SGCZ: variants seen among roughly 807,000 people sequenced by gnomAD.
SGCZ encodes zeta-sarcoglycan.
Under a neutral mutation model 41.3 loss-of-function variants are expected in SGCZ, and 40 were observed. The observed-to-expected ratio is 0.97, with a 90% CI of 0.75 to 1.26. SGCZ has a LOEUF of 1.26. Ranked by LOEUF, SGCZ falls within the 50% of genes most tolerant of loss-of-function variation. SGCZ has a pLI of 0.00. For missense variants in SGCZ, 552 were observed against 369.8 expected (o/e 1.49, Z -4.04); for synonymous variants, 206 against 137.5 (o/e 1.50, Z -3.49).
intron 2 of SGCZ, among the ~76,000 whole-genome samples, chr8:14,524,949 G>T (rs1469044887): frequency 6.6e-6 from 1 of 152,118 alleles, no homozygotes; most frequent in Non-Finnish European, 1.5e-5. Flanking sequence ...TTCTCAGAGA[G>T]TTCAAAACAT....
chr8:14,470,242 G>GA lies in SGCZ; in HGVS notation c.234+84489dup, dbSNP rs140039196. ...ATGCTAATTTTTGTGTAAGAAAATAGAAAAAAAAATGCTGAGTTTTGTTTT... is the reference window on the plus strand; with the variant it reads ...ATGCTAATTTTTGTGTAAGAAAATAGAAAAAAAAAATGCTGAGTTTTGTTTT... On this transcript the variant is annotated intron_variant, in intron 2 of 7. Transcript: ENST00000382080. Among the ~76,000 whole-genome samples, 124 of 150,942 alleles carry GA rather than the reference G, an allele frequency of 8.2e-4. 3 individuals are homozygous for GA. The highest frequency in any genetic ancestry group is 2.3e-3 in the African/African-American group (96 of 41,236).
In SGCZ at chr8:15,158,166, C is replaced by CAAA. The variant is rs34637082; in HGVS notation, c.39+79416_39+79418dup. On this transcript the variant is annotated intron_variant, in intron 1 of 7. Coordinates refer to ENST00000382080, the MANE Select transcript of SGCZ (RefSeq NM_139167.4). Reference sequence around the variant, plus strand: ...TTATCACAATTTTTCTAGTTTGCCACAAAAAAAAAAATGGTGAAAAGATAT... The same window carrying CAAA: ...TTATCACAATTTTTCTAGTTTGCCACAAAAAAAAAAAAAATGGTGAAAAGATAT... Among the ~76,000 whole-genome samples the CAAA allele has an allele frequency of 8.9e-3, 1,311 of 147,120 alleles. 29 individuals carry two copies. Among genetic ancestry groups the CAAA allele is most frequent in the East Asian group, 0.085 (433 of 5,074 alleles).
rs1037435636 is a variant in SGCZ, at chr8:14,761,595, G to A, written c.40-206669C>T. Among the ~76,000 whole-genome samples, 5 of 150,330 alleles carry A rather than the reference G, an allele frequency of 3.3e-5. No homozygotes were observed. The South Asian group carries it at 1.1e-3, about 32-fold the overall frequency. ...CGCCCAGACTGGAGTGCAGCAGCGT[G>A]GCTCACTGCCACCTCCTCCTCTTAC... On this transcript the variant is annotated intron_variant, in intron 1 of 7. Coordinates refer to ENST00000382080, the MANE Select transcript of SGCZ (RefSeq NM_139167.4).
At chr8:15,077,068 A>C (rs1335532759) in intron 1 of SGCZ, among the ~76,000 whole-genome samples, 4 of 152,150 alleles carry the variant, frequency 2.6e-5, no homozygotes, top group African/African-American at 4.8e-5. Flanking sequence ...ATGTTAGATG[A>C]CTTGTTTGGA....
intron 1 of SGCZ, among the ~76,000 whole-genome samples, chr8:15,098,855 T>G (rs1052767176): frequency 6.6e-6 from 1 of 152,152 alleles, no homozygotes; most frequent in African/African-American, 2.4e-5. Flanking sequence ...GGTCAGGAGT[T>G]CAAGACCAGC....
intron 3 of SGCZ, among the ~76,000 whole-genome samples, chr8:14,305,294 T>C (rs1450409589): frequency 6.6e-6 from 1 of 152,184 alleles, no homozygotes; most frequent in Non-Finnish European, 1.5e-5. Context: ...TTAACATTAA[T>C]GCCACAGAAA....
chr8:14,811,093 C>T (rs918203484), intron 1 of SGCZ, among the ~76,000 whole-genome samples: 3 of 151,910 alleles, frequency 2.0e-5, no homozygotes, highest in African/African-American at 7.2e-5. Flanking sequence ...TTTTTAAAAA[C>T]TGTCAGGATT....
chr8:14,779,090 C>A (rs911767544), intron 1 of SGCZ, among the ~76,000 whole-genome samples: 3 of 152,180 alleles, frequency 2.0e-5, no homozygotes, highest in East Asian at 1.9e-4. Flanking sequence ...TTCAAGAGAA[C>A]TGTAATATTC....
intron 1 of SGCZ, among the ~76,000 whole-genome samples, chr8:14,818,967 A>C (rs1352629202): frequency 6.6e-6 from 1 of 152,118 alleles, no homozygotes; most frequent in Non-Finnish European, 1.5e-5. Flanking sequence ...AGATAGAAAA[A>C]AGAACAGAAA....
chr8:14,885,563 G>A (rs772835097), intron 1 of SGCZ, among the ~76,000 whole-genome samples: 13 of 151,928 alleles, frequency 8.6e-5, no homozygotes, highest in Non-Finnish European at 1.2e-4. Flanking sequence ...TTTCACAGCC[G>A]GCATTATGAT....
chr8:15,067,795 C>A lies in SGCZ; in HGVS notation c.39+169790G>T, dbSNP rs114370380. Among the ~76,000 whole-genome samples the A allele has an allele frequency of 5.7e-3, 871 of 152,176 alleles. 8 individuals carry two copies. Among genetic ancestry groups the A allele is most frequent in the African/African-American group, 0.02 (824 of 41,514 alleles). On this transcript the variant is annotated intron_variant, in intron 1 of 7. Transcript: ENST00000382080. ...CAAGATACAGAAATTAAAGGTGAGCCATCATCACAGAGCTCACAGTCTAAT... is the reference window on the plus strand; with the variant it reads ...CAAGATACAGAAATTAAAGGTGAGCAATCATCACAGAGCTCACAGTCTAAT...
At chr8:14,496,697 CTTAT>C (rs1292799241) in intron 2 of SGCZ, among the ~76,000 whole-genome samples, 1 of 151,994 alleles carries the variant, frequency 6.6e-6, no homozygotes, top group Admixed American at 6.6e-5. Context: ...TCTGGTTTTA[CTTAT>C]TTATTTAATT....
intron 2 of SGCZ, among the ~76,000 whole-genome samples, chr8:14,455,178 C>A (rs1040914771): frequency 2.0e-5 from 3 of 151,908 alleles, no homozygotes; most frequent in Admixed American, 6.6e-5. Context: ...AGTTAAGGGA[C>A]AGAGTAGTAA....
At chr8:15,003,606 A>C (rs998471742) in intron 1 of SGCZ, among the ~76,000 whole-genome samples, 8 of 152,230 alleles carry the variant, frequency 5.3e-5, no homozygotes, top group African/African-American at 1.7e-4. Flanking sequence ...TAATACACAA[A>C]TAGCACGTCA....
intron 1 of SGCZ, among the ~76,000 whole-genome samples, chr8:14,814,436 A>T (rs1408828444): frequency 6.6e-6 from 1 of 152,176 alleles, no homozygotes; most frequent in Non-Finnish European, 1.5e-5. Flanking sequence ...CAGGGCCAAT[A>T]GCACTTTCCA....
intron 1 of SGCZ, among the ~76,000 whole-genome samples, chr8:15,224,061 G>A (rs1801693946): frequency 6.6e-6 from 1 of 152,014 alleles, no homozygotes; most frequent in Non-Finnish European, 1.5e-5. Flanking sequence ...TCACTGTGCT[G>A]GCCAGGCTGG....
chr8:14,896,522 G>A (rs1038495858), intron 1 of SGCZ, among the ~76,000 whole-genome samples: 2 of 152,032 alleles, frequency 1.3e-5, no homozygotes, highest in Admixed American at 1.3e-4. Context: ...TGTCATCCAA[G>A]CTTGAGTGCA....
intron 2 of SGCZ, among the ~76,000 whole-genome samples, chr8:14,404,051 T>C (rs1336724225): frequency 2.0e-5 from 3 of 152,092 alleles, no homozygotes; most frequent in Admixed American, 6.6e-5. Flanking sequence ...AAATCATGTA[T>C]CTTACCTGAG....
intron 1 of SGCZ, among the ~76,000 whole-genome samples, chr8:15,054,613 C>T (rs1049096844): frequency 1.3e-5 from 2 of 152,090 alleles, no homozygotes; most frequent in African/African-American, 4.8e-5. Context: ...TTAGCTCTAC[C>T]ATTCACTAGG....
Sources: gnomAD v4.1 joint callset for allele counts (sites outside exome capture counted in the v4.1 genomes callset) on GRCh38, gnomAD v4.1.1 for gene constraint, MANE v1.5 for transcripts, NCBI Gene and HGNC (gene_info 2026-07-23, HGNC 2026-07-21) for gene names.